ATXN2: variants seen among roughly 807,000 people sequenced by gnomAD.
The protein encoded by ATXN2 is ataxin 2.
ATXN2 carries 37 observed loss-of-function variants against 138.6 expected under a neutral mutation model. The ratio of observed to expected loss-of-function variants is 0.27; its 90% CI spans 0.21 to 0.35. ATXN2 has a LOEUF of 0.35. ATXN2 is among the 10% of genes least tolerant of loss of function. ATXN2 has a pLI of 1.00. For synonymous variants in ATXN2, 549 were observed against 543.7 expected (o/e 1.01, Z -0.13); for missense variants, 1,216 against 1,480.3 (o/e 0.82, Z 2.93).
intron 6 of ATXN2, among the ~76,000 whole-genome samples, chr12:111,523,615 G>T (rs1327513283): frequency 2.0e-5 from 3 of 152,012 alleles, no homozygotes; most frequent in Non-Finnish European, 4.4e-5. Flanking sequence ...AGTCCCAGCT[G>T]CTTGGAAAGC....
intron 1 of ATXN2, among the ~76,000 whole-genome samples, chr12:111,575,776 A>G (rs1883603768): frequency 6.6e-6 from 1 of 152,136 alleles, no homozygotes; most frequent in South Asian, 2.1e-4. Flanking sequence ...GTCAACTACT[A>G]CTGCTTAATA....
chr12:111,560,220 T>G (rs2135796247), intron 1 of ATXN2, among the ~76,000 whole-genome samples: 1 of 152,210 alleles, frequency 6.6e-6, no homozygotes, highest in East Asian at 1.9e-4. Context: ...TTAAAAACAC[T>G]TAAAAATAAA....
At chr12:111,583,068 C>T (rs1339090960) in intron 1 of ATXN2, among the ~76,000 whole-genome samples, 4 of 147,604 alleles carry the variant, frequency 2.7e-5, no homozygotes, top group African/African-American at 1.0e-4. Context: ...TCTTGGCTCA[C>T]TGCAACCTCC....
intron 18 of ATXN2, among the ~76,000 whole-genome samples, chr12:111,476,621 A>G (rs572020006): frequency 7.2e-5 from 11 of 152,358 alleles, no homozygotes; most frequent in African/African-American, 2.4e-4. Flanking sequence ...ACAAACGTTG[A>G]AAGTTTTTAA....
At chr12:111,478,012 G>A (rs1333163627) in intron 18 of ATXN2, among the ~76,000 whole-genome samples, 1 of 151,540 alleles carries the variant, frequency 6.6e-6, no homozygotes, top group Non-Finnish European at 1.5e-5. Context: ...CCTCAGGCTG[G>A]TCTCAAACTG....
In ATXN2 at chr12:111,472,511, C is replaced by G. The variant is rs143177843; in HGVS notation, c.2525-1769G>C. Among the ~76,000 whole-genome samples, 1,415 of 152,146 alleles carry G rather than the reference C, an allele frequency of 9.3e-3. 22 individuals are homozygous for G. Among genetic ancestry groups the G allele is most frequent in the African/African-American group, 0.032 (1,349 of 41,514 alleles). Reference sequence around the variant, plus strand: ...GGGTTACACTAACATTAAAAAAGAACCTACCTAAGGCATACACTGAAAAAA... The same window carrying G: ...GGGTTACACTAACATTAAAAAAGAAGCTACCTAAGGCATACACTGAAAAAA... On this transcript the variant is annotated intron_variant, in intron 18 of 24. Transcript: ENST00000673436.
Position 111,453,530 on chromosome 12 carries a change from C to T in ATXN2, c.3439+147G>A, listed in dbSNP as rs1020124480. The T allele has an allele frequency of 1.8e-5, 25 of 1,390,312 alleles. No homozygotes were observed. The highest frequency in any genetic ancestry group is 5.2e-4 in the Middle Eastern group (2 of 3,826). The allele number at this position is 1,390,312 out of a possible 1,614,324, so 86.1% of individuals were successfully genotyped here. ...CCTCAGGCCCTGATGCTGAACTGAT[C>T]GTCACAGTCCCTCCTGTGCACACTC... On this transcript the variant is annotated intron_variant, in intron 24 of 24. Transcript: ENST00000673436. This position sits in a 1 kb window ranked among gnomAD's most constrained non-coding sequence, Gnocchi z 5.4.
At chr12:111,537,593 AAG>A (rs1164553863) in intron 5 of ATXN2, among the ~76,000 whole-genome samples, 4 of 151,840 alleles carry the variant, frequency 2.6e-5, no homozygotes, top group African/African-American at 9.7e-5. Flanking sequence ...AAAAAAAAAA[AAG>A]AAAAAAAAAG....
chr12:111,491,499 C>T (rs886988445), intron 14 of ATXN2, among the ~76,000 whole-genome samples: 1 of 152,064 alleles, frequency 6.6e-6, no homozygotes, highest in African/African-American at 2.4e-5. Flanking sequence ...CAGCTCACAG[C>T]TCTGGGAGGA....
chr12:111,559,963 A>C lies in ATXN2; in HGVS notation c.252-4044T>G, dbSNP rs187818039. 2.6e-5 allele frequency among the ~76,000 whole-genome samples: 4 copies of C among 152,352 alleles called. No individual in the cohort carries two copies. The East Asian group carries it at 5.8e-4, about 22-fold the overall frequency. On this transcript the variant is annotated intron_variant, in intron 1 of 24. Transcript: ENST00000673436. ...TTCAAAGGCACTTGGTAGGAGGAGA[A>C]TCATTGGAGATAAGTGCTAAATTGT...
chr12:111,470,390 TTAC>T, intron 19 of ATXN2, 150 bp from the exon 20 acceptor site: 1 of 1,205,976 alleles, frequency 8.3e-7, no homozygotes, highest in Non-Finnish European at 1.1e-6. Context: ...TCTGAACCTC[TTAC>T]AATCATCAGT....
chr12:111,483,807 G>C (rs981309460), intron 18 of ATXN2, among the ~76,000 whole-genome samples: 1 of 152,016 alleles, frequency 6.6e-6, no homozygotes, highest in Non-Finnish European at 1.5e-5. Flanking sequence ...TTTTGAGGCA[G>C]GGTTTCGCTC....
intron 8 of ATXN2, among the ~76,000 whole-genome samples, chr12:111,519,460 A>G (rs1880037693): frequency 6.6e-6 from 1 of 152,184 alleles, no homozygotes; most frequent in Non-Finnish European, 1.5e-5. Context: ...CAAAGACCCT[A>G]TTATCTTATC....
chr12:111,572,042 T>A (rs1329340322), intron 1 of ATXN2, among the ~76,000 whole-genome samples: 2 of 144,294 alleles, frequency 1.4e-5, no homozygotes, highest in South Asian at 4.4e-4. Flanking sequence ...TTTTAAAATA[T>A]GTAAAGAAAA....
In ATXN2 at chr12:111,462,971, T is replaced by TAC. The variant is rs1403412784; in HGVS notation, c.2896+1690_2896+1691insGT. 5.9e-5 allele frequency among the ~76,000 whole-genome samples: 8 copies of TAC among 136,558 alleles called. 1 individual carries two copies. The highest frequency in any genetic ancestry group is 1.3e-3 in the East Asian group (2 of 1,572). 89.6% of individuals were successfully genotyped at this position (136,558 alleles called of 152,430 possible). A position where few individuals can be genotyped will look rare whatever the true frequency, so the allele number is the denominator to read the frequency against. ...TTATATATACACACATACATATATA[T>TAC]ATATATACACACACACACACACACA... On this transcript the variant is annotated intron_variant, in intron 21 of 24. Coordinates refer to ENST00000673436, the MANE Select transcript of ATXN2 (RefSeq NM_001372574.1).
chr12:111,578,396 C>T (rs1405032347), intron 1 of ATXN2, among the ~76,000 whole-genome samples: 1 of 152,072 alleles, frequency 6.6e-6, no homozygotes, highest in Non-Finnish European at 1.5e-5. Flanking sequence ...ATCTTTTACG[C>T]TGTATTTTTA....
intron 20 of ATXN2, chr12:111,468,787 GC>G (rs1373030528): frequency 7.2e-6 from 1 of 138,282 alleles, no homozygotes; most frequent in African/African-American, 2.8e-5. Context: ...TGCAACCTCT[GC>G]CTCCCGGGTT....
At chr12:111,490,425 G>A (rs562190639) in intron 14 of ATXN2, among the ~76,000 whole-genome samples, 5 of 152,044 alleles carry the variant, frequency 3.3e-5, no homozygotes, top group South Asian at 2.1e-4. Flanking sequence ...TGGACTAAGC[G>A]CTGGGCCTAG....
intron 6 of ATXN2, 69 bp downstream of exon 6, chr12:111,525,123 A>C: frequency 6.6e-7 from 1 of 1,520,222 alleles, no homozygotes; most frequent in South Asian, 1.3e-5. Context: ...AAGCACATTT[A>C]AATTACAACC....
Sources: allele counts gnomAD v4.1 joint callset (sites outside exome capture counted in the v4.1 genomes callset), GRCh38; gene constraint gnomAD v4.1.1; non-coding constraint Gnocchi (gnomAD v3.1); transcripts MANE v1.5; gene names NCBI Gene and HGNC (gene_info 2026-07-23, HGNC 2026-07-21).